The following ASPH variants were observed in gnomAD, a reference collection of about 807,000 sequenced individuals.
The protein encoded by ASPH is aspartate beta-hydroxylase.
ASPH carries 100 observed loss-of-function variants against 118.4 expected under a neutral mutation model. The observed-to-expected ratio is 0.84, with a 90% CI of 0.72 to 1.00. The LOEUF is 1.00. ASPH is among the 50% of genes least tolerant of loss of function. The pLI is 0.00. For missense variants in ASPH, 920 were observed against 919.5 expected (o/e 1.00, Z -0.01); for synonymous variants, 315 against 325.6 (o/e 0.97, Z 0.35).
intron 1 of ASPH, among the ~76,000 whole-genome samples, chr8:61,713,023 G>C (rs1838425354): frequency 6.6e-6 from 1 of 152,200 alleles, no homozygotes; most frequent in Non-Finnish European, 1.5e-5. Context: ...TCCCTCTGCA[G>C]GTTTAAGTAA....
rs1310856645 is a variant in ASPH at position 61,503,283 on chromosome 8, C to G, written c.*76G>C. On this transcript the variant is annotated 3_prime_UTR_variant, in exon 25 of 25. Coordinates refer to ENST00000379454, the MANE Select transcript of ASPH (RefSeq NM_004318.4). ...GAATTGACTCTTGGTGTTCGAAATT[C>G]TATCCTCACACCCAAGGAGATGGAA... The G allele has an allele frequency of 1.3e-6, 2 of 1,486,112 alleles. No individual in the cohort carries two copies. Among genetic ancestry groups the G allele is most frequent in the African/African-American group, 2.8e-5 (2 of 71,040 alleles). 92.1% of individuals were successfully genotyped at this position (1,486,112 alleles called of 1,614,324 possible).
chr8:61,573,103 C>T (rs1462841440), intron 16 of ASPH, among the ~76,000 whole-genome samples: 1 of 152,050 alleles, frequency 6.6e-6, no homozygotes, highest in Non-Finnish European at 1.5e-5. Context: ...GAGTGAACTC[C>T]CGTTCACGAT....
chr8:61,646,319 T>C (rs1807957801), intron 6 of ASPH, among the ~76,000 whole-genome samples: 1 of 152,176 alleles, frequency 6.6e-6, no homozygotes, highest in African/African-American at 2.4e-5. Flanking sequence ...TCTCTGGCTA[T>C]TTACAAAAAA....
chr8:61,619,186 T>C (rs1482910472), intron 13 of ASPH, among the ~76,000 whole-genome samples, 167 bp from the exon 14 acceptor site: 2 of 152,164 alleles, frequency 1.3e-5, no homozygotes, highest in African/African-American at 2.4e-5. Flanking sequence ...ATGAAGTTCA[T>C]TAGAAAAGAT....
At chr8:61,586,606 A>AT (rs1360087551) in intron 14 of ASPH, among the ~76,000 whole-genome samples, 1 of 152,040 alleles carries the variant, frequency 6.6e-6, no homozygotes, top group Non-Finnish European at 1.5e-5. Flanking sequence ...GATACCTTTT[A>AT]TTTTCTCAAC....
At chr8:61,507,689 A>G (rs1049516189) in intron 24 of ASPH, among the ~76,000 whole-genome samples, 2 of 152,116 alleles carry the variant, frequency 1.3e-5, no homozygotes, top group East Asian at 3.9e-4. Flanking sequence ...AAGGGAGAGG[A>G]GCATAAAGAT....
At chr8:61,611,377 C>A (rs1208966785) in intron 14 of ASPH, among the ~76,000 whole-genome samples, 2 of 152,168 alleles carry the variant, frequency 1.3e-5, no homozygotes, top group Admixed American at 1.3e-4. Flanking sequence ...TTGGAAGTCA[C>A]ACTCTGTCAT....
At chr8:61,599,895 T>A (rs1273451900) in intron 14 of ASPH, among the ~76,000 whole-genome samples, 1 of 152,226 alleles carries the variant, frequency 6.6e-6, no homozygotes, top group Non-Finnish European at 1.5e-5. Flanking sequence ...GAATTCTTCC[T>A]AGCTCATTCT....
At chr8:61,532,048 T>C (rs1184960372) in intron 21 of ASPH, among the ~76,000 whole-genome samples, 1 of 152,180 alleles carries the variant, frequency 6.6e-6, no homozygotes, top group Non-Finnish European at 1.5e-5. Context: ...CCATTAGATA[T>C]ATAATTAGAG....
At chr8:61,546,479 C>T (rs1350952141) in intron 21 of ASPH, among the ~76,000 whole-genome samples, 5 of 152,024 alleles carry the variant, frequency 3.3e-5, no homozygotes, top group Non-Finnish European at 4.4e-5. Flanking sequence ...AACAAAAAAA[C>T]CCGACAGTGC....
chr8:61,711,613 C>A (rs1295962647), intron 1 of ASPH, among the ~76,000 whole-genome samples: 1 of 151,836 alleles, frequency 6.6e-6, no homozygotes, highest in Non-Finnish European at 1.5e-5. Context: ...TTCCAAACAT[C>A]ACTTTTCAGC....
chr8:61,557,563 C>A (rs1828331615), intron 18 of ASPH, among the ~76,000 whole-genome samples: 1 of 152,202 alleles, frequency 6.6e-6, no homozygotes, highest in South Asian at 2.1e-4. Context: ...AACTTCTTTA[C>A]CTTGTCTCAC....
rs191346662 is a variant in ASPH, at chr8:61,554,310, A to G, written c.1537-1190T>C. Among the ~76,000 whole-genome samples, 153 of 152,352 alleles carry G rather than the reference A, an allele frequency of 1.0e-3. 1 individual carries two copies. The highest frequency in any genetic ancestry group is 5.3e-4 in the Non-Finnish European group (36 of 68,026). ...AACTAGAAGTCTGCATAATTATATA[A>G]AAATGCTCAGATTCTCAAATAAGGC... On this transcript the variant is annotated intron_variant, in intron 19 of 24. Coordinates refer to ENST00000379454, the MANE Select transcript of ASPH (RefSeq NM_004318.4).
Position 61,517,581 on chromosome 8 carries a change from C to T in ASPH, c.2073G>A (p.Leu691=). ...AGCCTTCCTTGGGAATCACCAAGCCCAGGTGCATTCGGAGCCTGCAGTTTG... is the reference window on the plus strand; with the variant it reads ...AGCCTTCCTTGGGAATCACCAAGCCTAGGTGCATTCGGAGCCTGCAGTTTG... ...GPTNCRLRMH[L]GLVIPKEGCK... is the part of the protein sequence containing the mutation. The change falls in exon 24 of 25, where the codon CTG becomes CTA. Residue 691 remains leucine, a synonymous_variant. Coordinates refer to ENST00000379454, the MANE Select transcript of ASPH (RefSeq NM_004318.4). 2 of 1,614,140 alleles carry T rather than the reference C, an allele frequency of 1.2e-6. No individual in the cohort carries two copies. Among genetic ancestry groups the T allele is most frequent in the South Asian group, 1.1e-5 (1 of 91,082 alleles).
intron 8 of ASPH, 126 bp from the exon 9 acceptor site, chr8:61,643,559 T>C: frequency 1.1e-6 from 1 of 920,364 alleles, no homozygotes; most frequent in Non-Finnish European, 1.6e-6. Flanking sequence ...CATTATCATT[T>C]AATAAAATTT....
intron 4 of ASPH, among the ~76,000 whole-genome samples, chr8:61,652,075 C>T (rs1052565030): frequency 6.6e-6 from 1 of 152,166 alleles, no homozygotes; most frequent in Non-Finnish European, 1.5e-5. Context: ...ACTACAAAAT[C>T]ATTTCCAAAG....
At position 61,503,166 on chromosome 8, in the gene ASPH, T is replaced by C; in HGVS notation, c.*193A>G. On this transcript the variant is annotated 3_prime_UTR_variant, in exon 25 of 25. Coordinates refer to ENST00000379454, the MANE Select transcript of ASPH (RefSeq NM_004318.4). ...TCATGAGATGACACACAGCAGGGTG[T>C]TTCCTAAATGAATTGCAGCGAGGCA... 1 of 510,910 alleles carries C rather than the reference T, an allele frequency of 2.0e-6. No individual in the cohort carries two copies. Among genetic ancestry groups the C allele is most frequent in the South Asian group, 5.2e-5 (1 of 19,176 alleles). The allele number at this position is 510,910 out of a possible 1,614,324, so 31.6% of individuals were successfully genotyped here.
intron 21 of ASPH, among the ~76,000 whole-genome samples, chr8:61,545,285 C>T (rs1319677684): frequency 6.6e-6 from 1 of 152,214 alleles, no homozygotes. Flanking sequence ...CAAGAAAGCA[C>T]CATCTACAAA....
At chr8:61,577,680 T>C (rs547756665) in intron 15 of ASPH, among the ~76,000 whole-genome samples, 1 of 152,124 alleles carries the variant, frequency 6.6e-6, no homozygotes, top group Non-Finnish European at 1.5e-5. Flanking sequence ...CCTCCTGACA[T>C]GGTGGCAAGA....
Sources: gnomAD v4.1 joint callset for allele counts (sites outside exome capture counted in the v4.1 genomes callset) on GRCh38, gnomAD v4.1.1 for gene constraint, MANE v1.5 for transcripts, NCBI Gene and HGNC (gene_info 2026-07-23, HGNC 2026-07-21) for gene names.